The following SMYD3 variants were observed in gnomAD, a reference collection of about 807,000 sequenced individuals.
SMYD3 encodes the protein histone-lysine N-methyltransferase SMYD3.
In SMYD3, 36 loss-of-function variants were observed where a neutral mutation model predicts 57.7. That is an observed-to-expected ratio of 0.62 (90% CI 0.48 to 0.82). The LOEUF is 0.82. Ranked by LOEUF, SMYD3 falls within the 40% of genes least tolerant of loss-of-function variation. The pLI, the probability that SMYD3 is intolerant of heterozygous loss-of-function variation, is 0.00. For missense variants in SMYD3, 515 were observed against 538.8 expected (o/e 0.96, Z 0.44); for synonymous variants, 211 against 195.0 (o/e 1.08, Z -0.68).
chr1:246,194,563 G>A (rs567924518), intron 5 of SMYD3, among the ~76,000 whole-genome samples: 54 of 152,272 alleles, frequency 3.5e-4, no homozygotes, highest in South Asian at 2.1e-3. Flanking sequence ...CACTGCACCC[G>A]GCTGCATGCC....
At chr1:246,168,186 A>C (rs2148229253) in intron 5 of SMYD3, among the ~76,000 whole-genome samples, 1 of 152,350 alleles carries the variant, frequency 6.6e-6, no homozygotes, top group Middle Eastern at 3.4e-3. Flanking sequence ...AATGTAATAT[A>C]CATATCATGG....
chr1:245,805,886 T>C, intron 10 of SMYD3, among the ~76,000 whole-genome samples: 1 of 152,220 alleles, frequency 6.6e-6, no homozygotes. Context: ...AGCTTTAATA[T>C]AATTTATATT....
At chr1:245,779,438 G>A (rs973087600) in intron 10 of SMYD3, among the ~76,000 whole-genome samples, 5 of 152,084 alleles carry the variant, frequency 3.3e-5, no homozygotes, top group South Asian at 2.1e-4. Context: ...GCACCACCAC[G>A]TACCCTTTAC....
chr1:246,084,754 G>A (rs1475010359), intron 5 of SMYD3, among the ~76,000 whole-genome samples: 2 of 152,162 alleles, frequency 1.3e-5, no homozygotes, highest in African/African-American at 2.4e-5. Context: ...TATAGGAAAG[G>A]TAAGCTGTTA....
At chr1:246,048,115 T>C (rs1020166723) in intron 5 of SMYD3, among the ~76,000 whole-genome samples, 1 of 152,072 alleles carries the variant, frequency 6.6e-6, no homozygotes, top group East Asian at 1.9e-4. Context: ...AAAAAATGAA[T>C]AGTACACGTG....
intron 5 of SMYD3, among the ~76,000 whole-genome samples, chr1:246,306,572 G>C (rs760282241): frequency 7.2e-5 from 11 of 152,048 alleles, no homozygotes; most frequent in Non-Finnish European, 1.6e-4. Flanking sequence ...TAATACTTAA[G>C]AGATCACACA....
chr1:246,106,081 T>G (rs1283163087), intron 5 of SMYD3, among the ~76,000 whole-genome samples: 2 of 152,190 alleles, frequency 1.3e-5, no homozygotes, highest in African/African-American at 2.4e-5. Context: ...GAGTTCAGAA[T>G]CCCTGGAAAC....
intron 10 of SMYD3, among the ~76,000 whole-genome samples, chr1:245,802,886 G>A (rs2047941277): frequency 1.3e-5 from 2 of 152,114 alleles, no homozygotes; most frequent in Non-Finnish European, 2.9e-5. Context: ...CTTGTTGAGG[G>A]GCTGCCATCA....
At position 246,114,341 on chromosome 1, in the gene SMYD3, A is replaced by G. The variant is rs566526850; in HGVS notation, c.532-184404T>C. 2.0e-5 allele frequency among the ~76,000 whole-genome samples: 3 copies of G among 152,306 alleles called. No individual in the cohort carries two copies. The East Asian group carries it at 5.8e-4, about 29-fold the overall frequency. On this transcript the variant is annotated intron_variant, in intron 5 of 11. Transcript: ENST00000490107. ...TAAGAAAGCTTCCAGACCACAATGAAGGTAGGTGGTGTGGAGTCCTGACAA... is the reference window on the plus strand; with the variant it reads ...TAAGAAAGCTTCCAGACCACAATGAGGGTAGGTGGTGTGGAGTCCTGACAA...
chr1:246,055,728 T>C (rs1458228344), intron 5 of SMYD3, among the ~76,000 whole-genome samples: 1 of 152,208 alleles, frequency 6.6e-6, no homozygotes, highest in Non-Finnish European at 1.5e-5. Context: ...TTGAAGACAT[T>C]ATGCTAAATT....
chr1:245,939,744 TGTTTTCCTCTCA>T (rs2057146912), intron 5 of SMYD3, among the ~76,000 whole-genome samples: 2 of 152,334 alleles, frequency 1.3e-5, no homozygotes, highest in Admixed American at 1.3e-4. Flanking sequence ...TGCCTTCTCA[TGTTTTCCTCTCA>T]GTTTTCCTGT....
At chr1:246,029,230 T>G (rs1356053389) in intron 5 of SMYD3, among the ~76,000 whole-genome samples, 1 of 152,152 alleles carries the variant, frequency 6.6e-6, no homozygotes, top group African/African-American at 2.4e-5. Flanking sequence ...ACTAAAAGGT[T>G]TCTGTACAGC....
intron 1 of SMYD3, among the ~76,000 whole-genome samples, chr1:246,429,700 A>G (rs1392533421): frequency 6.6e-6 from 1 of 152,242 alleles, no homozygotes. Context: ...ACCATGTCAG[A>G]CAAGCAATAT....
intron 1 of SMYD3, among the ~76,000 whole-genome samples, chr1:246,482,295 A>C (rs935453557): frequency 2.6e-5 from 4 of 152,336 alleles, no homozygotes; most frequent in Admixed American, 2.0e-4. Flanking sequence ...GCAGAAAGCC[A>C]CAGCAGTGCT....
chr1:246,125,047 G>C (rs2061486264), intron 5 of SMYD3, among the ~76,000 whole-genome samples: 1 of 146,220 alleles, frequency 6.8e-6, no homozygotes, highest in Admixed American at 6.9e-5. Context: ...ACTCCAGCCT[G>C]GGCGACAGAG....
chr1:245,801,868 C>T (rs2791397), intron 10 of SMYD3, among the ~76,000 whole-genome samples: 29,781 of 151,028 alleles, frequency 0.2, 3,855 homozygotes, highest in African/African-American at 0.37. Flanking sequence ...ACAAAAACAA[C>T]GACACATGAA....
intron 1 of SMYD3, among the ~76,000 whole-genome samples, chr1:246,401,184 A>G (rs1185229159): frequency 6.6e-6 from 1 of 152,160 alleles, no homozygotes; most frequent in East Asian, 1.9e-4. Context: ...AATGGAAAAA[A>G]GCTGATGATA....
chr1:245,942,617 T>G (rs1450333451), intron 5 of SMYD3, among the ~76,000 whole-genome samples: 3 of 152,182 alleles, frequency 2.0e-5, no homozygotes, highest in African/African-American at 7.2e-5. Context: ...CAGCTCTGGA[T>G]AAGTGGATCT....
intron 5 of SMYD3, among the ~76,000 whole-genome samples, chr1:246,299,973 C>G (rs1374908280): frequency 2.6e-5 from 4 of 151,380 alleles, no homozygotes; most frequent in Non-Finnish European, 5.9e-5. Flanking sequence ...ACGAGTTTAC[C>G]TATAAAACAG....
Sources: allele counts gnomAD v4.1 joint callset (sites outside exome capture counted in the v4.1 genomes callset), GRCh38; gene constraint gnomAD v4.1.1; transcripts MANE v1.5; gene names NCBI Gene and HGNC (gene_info 2026-07-23, HGNC 2026-07-21).